Variants in PHF24 observed in about 807,000 individuals in gnomAD.
The protein encoded by PHF24 is Galpha inhibitory interacting protein.
A neutral mutation model predicts 42.6 loss-of-function variants in PHF24; 25 were observed. That is an observed-to-expected ratio of 0.59 (90% confidence interval 0.43 to 0.82). The LOEUF (loss-of-function observed/expected upper bound fraction) is 0.82. Ranked by LOEUF, PHF24 falls within the 40% of genes least tolerant of loss-of-function variation. The pLI is 0.00. For synonymous variants in PHF24, 185 were observed against 204.8 expected, an observed-to-expected ratio of 0.90 and a Z score of 0.83; for missense variants, 470 against 538.1, an observed-to-expected ratio of 0.87 and a Z score of 1.25.
the PHF24 span, among the ~76,000 whole-genome samples, chr9:34,913,914 A>T: frequency 2.6e-5 from 4 of 152,172 alleles, no homozygotes; most frequent in Non-Finnish European, 4.4e-5. Flanking sequence ...AGGAGTGTTA[A>T]AAGTTTGTGA....
the PHF24 span, among the ~76,000 whole-genome samples, chr9:34,694,628 C>T: frequency 1.1e-4 from 16 of 152,064 alleles, no homozygotes; most frequent in South Asian, 4.1e-4. Context: ...CCACCATGCC[C>T]GGCCTAATTT....
At chr9:34,755,213 G>C in the PHF24 span, among the ~76,000 whole-genome samples, 6 of 152,254 alleles carry the variant, frequency 3.9e-5, no homozygotes, top group Admixed American at 3.9e-4. Flanking sequence ...AGCATAACTG[G>C]ATTGTTTGTA....
the PHF24 span, among the ~76,000 whole-genome samples, chr9:34,821,515 G>A: frequency 6.6e-6 from 1 of 152,156 alleles, no homozygotes; most frequent in African/African-American, 2.4e-5. Context: ...CAGCTATTTT[G>A]TAGTATATGT....
At chr9:34,931,336 A>G in the PHF24 span, among the ~76,000 whole-genome samples, 1 of 141,560 alleles carries the variant, frequency 7.1e-6, no homozygotes, top group Admixed American at 7.8e-5. Context: ...AGATAGTGCC[A>G]CTGTACTCCA....
the PHF24 span, among the ~76,000 whole-genome samples, chr9:34,734,050 A>C: frequency 5.3e-5 from 8 of 152,350 alleles, no homozygotes; most frequent in East Asian, 1.5e-3. Context: ...TCTTACAACA[A>C]AAGAAATCAC....
chr9:34,915,194 T>C, the PHF24 span, among the ~76,000 whole-genome samples: 2 of 151,808 alleles, frequency 1.3e-5, no homozygotes, highest in African/African-American at 4.8e-5. Flanking sequence ...CACCATGCCC[T>C]GCTAAATTTT....
chr9:34,909,604 G>A, the PHF24 span, among the ~76,000 whole-genome samples: 1 of 151,734 alleles, frequency 6.6e-6, no homozygotes, highest in African/African-American at 2.4e-5. Context: ...AGGTACCTTA[G>A]AACATAAAGA....
the PHF24 span, among the ~76,000 whole-genome samples, chr9:34,793,744 G>A: frequency 2.7e-5 from 4 of 150,418 alleles, no homozygotes; most frequent in African/African-American, 9.8e-5. Context: ...AAAATCACCT[G>A]TGTTTCTTTT....
chr9:34,932,629 G>A, the PHF24 span, among the ~76,000 whole-genome samples: 7 of 151,850 alleles, frequency 4.6e-5, no homozygotes, highest in African/African-American at 1.7e-4. Flanking sequence ...ATGAAATTAT[G>A]GATAATTTTT....
the PHF24 span, among the ~76,000 whole-genome samples, chr9:34,711,542 CTTTT>C: frequency 0.016 from 2,099 of 130,724 alleles, 34 homozygotes; most frequent in African/African-American, 0.05. Flanking sequence ...AATGTTGTTA[CTTTT>C]TTTTTTTTTT....
At chr9:34,801,407 A>G in the PHF24 span, among the ~76,000 whole-genome samples, 49,620 of 152,050 alleles carry the variant, frequency 0.33, 8,704 homozygotes, top group East Asian at 0.56. Flanking sequence ...ATACTCATCA[A>G]TGATAGACTG....
the PHF24 span, among the ~76,000 whole-genome samples, chr9:34,769,129 T>A: frequency 1.3e-5 from 2 of 152,150 alleles, no homozygotes; most frequent in African/African-American, 4.8e-5. Context: ...TGCAATCCTT[T>A]TTTTGGAGAC....
chr9:34,767,477 C>G, the PHF24 span, among the ~76,000 whole-genome samples: 1 of 152,210 alleles, frequency 6.6e-6, no homozygotes. Flanking sequence ...TAGCAATCAG[C>G]GAGACTCCGT....
At chr9:34,793,165 C>T in the PHF24 span, among the ~76,000 whole-genome samples, 1 of 151,824 alleles carries the variant, frequency 6.6e-6, no homozygotes, top group Non-Finnish European at 1.5e-5. Flanking sequence ...TATCATAGAA[C>T]AAAACTCAAA....
the PHF24 span, chr9:34,833,216 G>C: frequency 1.3e-6 from 2 of 1,543,290 alleles, no homozygotes; most frequent in Admixed American, 4.0e-5. Flanking sequence ...AGGGCTTTGA[G>C]GCTCAGGGCC....
At position 34,976,158 on chromosome 9, in the gene PHF24, A is replaced by G. The variant is rs1159195075; in HGVS notation, c.571A>G (p.Ile191Val). Residue 191 changes from isoleucine (I) to valine (V), a missense_variant, in exon 4 of 8, where the codon ATC (isoleucine) becomes GTC (valine). Coordinates refer to ENST00000242315, the Ensembl canonical transcript of PHF24. ...AGCTCTTCCTTATTTTCAGGACAAC[A>G]TCAACTTGCTGCTTACTGAGGAGGA... The G allele has an allele frequency of 5.0e-6, 8 of 1,613,644 alleles. No homozygotes were observed. The South Asian group carries it at 7.7e-5, about 16-fold the overall frequency.
exon 8 of PHF24, chr9:34,980,176 T>C: frequency 6.6e-6 from 1 of 152,188 alleles, no homozygotes; most frequent in East Asian, 1.9e-4. Flanking sequence ...GGACTGGAAG[T>C]CCATCTTGTT....
At chr9:34,758,310 C>T in the PHF24 span, among the ~76,000 whole-genome samples, 2 of 152,054 alleles carry the variant, frequency 1.3e-5, no homozygotes, top group East Asian at 3.9e-4. This position sits in a 1 kb window ranked among gnomAD's most constrained non-coding sequence, Gnocchi z 4.4. Flanking sequence ...ACTCCACCAG[C>T]CTGTGGGCAT....
chr9:34,937,804 C>T, the PHF24 span, among the ~76,000 whole-genome samples: 2 of 152,188 alleles, frequency 1.3e-5, no homozygotes, highest in South Asian at 4.1e-4. Context: ...CATGAAGATT[C>T]TGAAAATAAA....
Sources: allele counts gnomAD v4.1 joint callset (sites outside exome capture counted in the v4.1 genomes callset), GRCh38; gene constraint gnomAD v4.1.1; non-coding constraint Gnocchi (gnomAD v3.1); transcripts MANE v1.5; gene names NCBI Gene and HGNC (gene_info 2026-07-23, HGNC 2026-07-21).